CYSTM1: variants seen among roughly 807,000 people sequenced by gnomAD.
CYSTM1 encodes the protein cysteine-rich transmembrane module-containing protein 1.
A neutral mutation model predicts 13.1 loss-of-function variants in CYSTM1; 4 were observed. The observed-to-expected ratio is 0.31, with a 90% CI of 0.15 to 0.70. CYSTM1 has a LOEUF of 0.70. Among genes scored for constraint, CYSTM1 ranks in the 30% least tolerant of loss-of-function variants. CYSTM1 has a pLI of 0.72. For synonymous variants in CYSTM1, 36 were observed against 42.7 expected, an observed-to-expected ratio of 0.84 and a Z score of 0.62; for missense variants, 96 against 121.6, an observed-to-expected ratio of 0.79 and a Z score of 0.99.
intron 2 of CYSTM1, among the ~76,000 whole-genome samples, chr5:140,226,962 T>C (rs906562006): frequency 1.3e-4 from 20 of 151,706 alleles, no homozygotes; most frequent in Admixed American, 1.3e-3. Flanking sequence ...AGAGCAGCAG[T>C]GTGGGAGTCA....
chr5:140,183,030 G>A (rs867005944), intron 1 of CYSTM1, among the ~76,000 whole-genome samples: 4 of 152,208 alleles, frequency 2.6e-5, no homozygotes, highest in Admixed American at 6.5e-5. Flanking sequence ...GGAGCGCTTA[G>A]TTAAATTGCC....
rs11538394 is a variant in CYSTM1, at chr5:140,194,465, G to A, written c.-1G>A. On this transcript the variant is annotated 5_prime_UTR_variant, in exon 2 of 3. Coordinates refer to ENST00000261811, the MANE Select transcript of CYSTM1 (RefSeq NM_032412.4). ...TCTTAGGTGCACTTTACAGGTCCCC[G>A]ATGAACCAAGAGAACCCTCCACCAT... is the stretch of plus-strand genomic sequence containing the variant. 0.21 allele frequency: 333,293 copies of A among 1,578,374 alleles called. 36,378 individuals are homozygous for A. The highest frequency in any genetic ancestry group is 0.27 in the East Asian group (11,811 of 43,534).
intron 1 of CYSTM1, among the ~76,000 whole-genome samples, chr5:140,188,689 G>A (rs1177883482): frequency 6.7e-6 from 1 of 150,320 alleles, no homozygotes; most frequent in African/African-American, 2.5e-5. Flanking sequence ...TGAATCAGGA[G>A]ACTGGCGTGA....
intron 2 of CYSTM1, among the ~76,000 whole-genome samples, chr5:140,231,989 A>G (rs1359901784): frequency 6.6e-6 from 1 of 152,246 alleles, no homozygotes; most frequent in Non-Finnish European, 1.5e-5. Flanking sequence ...AAGGGGGCAC[A>G]GGTACACATG....
At chr5:140,241,581 G>C (rs1764749304) in intron 2 of CYSTM1, among the ~76,000 whole-genome samples, 1 of 152,228 alleles carries the variant, frequency 6.6e-6, no homozygotes, top group South Asian at 2.1e-4. Flanking sequence ...CTGTCCCAGG[G>C]GCAGGCGAGC....
At chr5:140,231,426 A>T (rs7737342) in intron 2 of CYSTM1, among the ~76,000 whole-genome samples, 35,100 of 152,132 alleles carry the variant, frequency 0.23, 4,082 homozygotes, top group African/African-American at 0.25. Context: ...TACAGAGACA[A>T]TCATGGATTC....
intron 2 of CYSTM1, among the ~76,000 whole-genome samples, chr5:140,216,341 A>T (rs2126665693): frequency 6.6e-6 from 1 of 152,340 alleles, no homozygotes; most frequent in Middle Eastern, 3.4e-3. Flanking sequence ...ACATAAATTG[A>T]TTAAGCCAGG....
intron 2 of CYSTM1, among the ~76,000 whole-genome samples, chr5:140,225,618 G>C (rs960813186): frequency 6.6e-6 from 1 of 152,212 alleles, no homozygotes; most frequent in South Asian, 2.1e-4. Flanking sequence ...AGATGTGACC[G>C]GTTTCCCTGA....
In CYSTM1 at chr5:140,243,575, A is replaced by C; in HGVS notation, c.*164A>C. 1.9e-6 allele frequency: 1 copy of C among 537,428 alleles called. No homozygotes were observed. Among genetic ancestry groups the C allele is most frequent in the East Asian group, 3.1e-5 (1 of 31,758 alleles). 33.3% of individuals were successfully genotyped at this position (537,428 alleles called of 1,614,324 possible). On this transcript the variant is annotated 3_prime_UTR_variant, in exon 3 of 3. Coordinates refer to ENST00000261811, the MANE Select transcript of CYSTM1 (RefSeq NM_032412.4). ...AGATTAATGGGGGTTGCTACTGTTT[A>C]ATTCAGTGACTTGATCTTTTTAATG...
intron 1 of CYSTM1, among the ~76,000 whole-genome samples, chr5:140,187,259 T>A (rs1365487936): frequency 6.6e-6 from 1 of 150,410 alleles, no homozygotes; most frequent in Non-Finnish European, 1.5e-5. Flanking sequence ...TGTAAAGTGG[T>A]CTATTTACAA....
chr5:140,212,983 G>GTATATATA lies in CYSTM1; in HGVS notation c.187+18351_187+18358dup, dbSNP rs150669111. On this transcript the variant is annotated intron_variant, in intron 2 of 2. Transcript: ENST00000261811. ...ACTCTGTCTCAAAAACAAAACAAAA[G>GTATATATA]TATATATATATATATATATATATAT... 3.6e-3 allele frequency among the ~76,000 whole-genome samples: 414 copies of GTATATATA among 114,278 alleles called. 4 individuals carry two copies. The highest frequency in any genetic ancestry group is 9.3e-3 in the Middle Eastern group (2 of 214). 75.0% of individuals were successfully genotyped at this position (114,278 alleles called of 152,430 possible).
At chr5:140,195,837 G>A (rs1764150169) in intron 2 of CYSTM1, among the ~76,000 whole-genome samples, 1 of 151,472 alleles carries the variant, frequency 6.6e-6, no homozygotes, top group African/African-American at 2.4e-5. Context: ...CTGAGGTCAG[G>A]AGTTCAAGAC....
At chr5:140,233,246 G>A (rs1281031372) in intron 2 of CYSTM1, among the ~76,000 whole-genome samples, 1 of 152,174 alleles carries the variant, frequency 6.6e-6, no homozygotes, top group East Asian at 1.9e-4. Flanking sequence ...GGGATGGTAG[G>A]TTTTGCCCTG....
At chr5:140,207,226 C>T (rs1405543779) in intron 2 of CYSTM1, among the ~76,000 whole-genome samples, 4 of 152,180 alleles carry the variant, frequency 2.6e-5, no homozygotes, top group Non-Finnish European at 4.4e-5. Flanking sequence ...ACAGAACCGT[C>T]TTCTCTGGCC....
At chr5:140,218,646 G>A (rs1221527535) in intron 2 of CYSTM1, among the ~76,000 whole-genome samples, 1 of 152,206 alleles carries the variant, frequency 6.6e-6, no homozygotes, top group Non-Finnish European at 1.5e-5. Context: ...GTTCCTTGGT[G>A]GGCTGCCAGG....
chr5:140,226,822 A>G (rs1339424161), intron 2 of CYSTM1, among the ~76,000 whole-genome samples: 1 of 150,368 alleles, frequency 6.7e-6, no homozygotes, highest in Non-Finnish European at 1.5e-5. Context: ...GGATGAGCCC[A>G]GTGACAGTAC....
chr5:140,196,766 T>TA (rs1276686735), intron 2 of CYSTM1, among the ~76,000 whole-genome samples: 5 of 152,312 alleles, frequency 3.3e-5, no homozygotes, highest in Non-Finnish European at 5.9e-5. Context: ...AAAGACTACA[T>TA]ATGGTATGAT....
At chr5:140,204,202 C>T (rs1157888359) in intron 2 of CYSTM1, among the ~76,000 whole-genome samples, 1 of 152,048 alleles carries the variant, frequency 6.6e-6, no homozygotes, top group Non-Finnish European at 1.5e-5. Context: ...CACCACACAT[C>T]TCTACAAATA....
In CYSTM1 at chr5:140,243,295, C is replaced by T. The variant is rs2126674907; in HGVS notation, c.188-10C>T. On this transcript the variant is annotated splice_polypyrimidine_tract_variant and intron_variant, in intron 2 of 2. Transcript: ENST00000261811. ...GTCCATTCTCACCCTCTTCCCTCTT[C>T]TCCCTCCAGTGTATGTGGTAGAAGA... 1 of 1,612,326 alleles carries T rather than the reference C, an allele frequency of 6.2e-7. No homozygotes were observed. Among genetic ancestry groups the T allele is most frequent in the Non-Finnish European group, 8.5e-7 (1 of 1,178,428 alleles).
Sources: allele counts gnomAD v4.1 joint callset (sites outside exome capture counted in the v4.1 genomes callset), GRCh38; gene constraint gnomAD v4.1.1; transcripts MANE v1.5; gene names NCBI Gene and HGNC (gene_info 2026-07-23, HGNC 2026-07-21).